Variants in EMB observed in about 807,000 individuals in gnomAD.
EMB encodes embigin, also known as embigin homolog.
EMB carries 31 observed loss-of-function variants against 41.4 expected under a neutral mutation model. The ratio of observed to expected loss-of-function variants is 0.75; its 90% CI spans 0.56 to 1.01. The LOEUF (loss-of-function observed/expected upper bound fraction) is 1.01. EMB is among the 50% of genes least tolerant of loss of function. The probability of loss-of-function intolerance (pLI) is 0.00; values close to 1 mark genes in which losing one functional copy is unlikely to be tolerated. For missense variants in EMB, 379 were observed against 388.3 expected (o/e 0.98, Z 0.20); for synonymous variants, 137 against 140.4 (o/e 0.98, Z 0.17).
intron 2 of EMB, among the ~76,000 whole-genome samples, chr5:50,412,510 T>C (rs1392688648): frequency 3.3e-5 from 5 of 151,994 alleles, no homozygotes; most frequent in Admixed American, 6.6e-5. Flanking sequence ...CAAAACTATA[T>C]CTTCCACCTG....
chr5:50,432,173 C>T (rs1412425148), intron 1 of EMB, among the ~76,000 whole-genome samples: 2 of 152,082 alleles, frequency 1.3e-5, no homozygotes, highest in Non-Finnish European at 2.9e-5. Context: ...GAAATAAATG[C>T]AACTACATCT....
At chr5:50,425,698 ATTTC>A (rs978695699) in intron 2 of EMB, among the ~76,000 whole-genome samples, 18 of 150,584 alleles carry the variant, frequency 1.2e-4, no homozygotes, top group Admixed American at 4.0e-4. Flanking sequence ...AGCAAGTGCA[ATTTC>A]TTTATTTCTG....
chr5:50,419,017 G>A (rs1176588348), intron 2 of EMB, among the ~76,000 whole-genome samples: 1 of 152,002 alleles, frequency 6.6e-6, no homozygotes, highest in African/African-American at 2.4e-5. Flanking sequence ...ATAATACTTG[G>A]TCCCCAGAAT....
intron 1 of EMB, among the ~76,000 whole-genome samples, chr5:50,433,411 C>T (rs1289690941): frequency 6.6e-6 from 1 of 152,116 alleles, no homozygotes; most frequent in East Asian, 1.9e-4. Flanking sequence ...TTTCAAATCA[C>T]CTCTACATGG....
At chr5:50,424,941 C>T (rs1579737320) in intron 2 of EMB, among the ~76,000 whole-genome samples, 1 of 152,044 alleles carries the variant, frequency 6.6e-6, no homozygotes, top group African/African-American at 2.4e-5. Context: ...ATGGGTAGAT[C>T]CCTCTTCCAT....
rs751665062 is a variant in EMB at position 50,398,415 on chromosome 5, T to G, written c.*858A>C. On this transcript the variant is annotated 3_prime_UTR_variant, in exon 9 of 9. Coordinates refer to ENST00000303221, the MANE Select transcript of EMB (RefSeq NM_198449.3). ...GCAGGTTTAGATATTTAACCAGCCA[T>G]AGATACCAGGAAGCCAGGTGTTAAA... is the stretch of plus-strand genomic sequence containing the variant. The G allele has an allele frequency of 6.6e-6, 1 of 151,946 alleles. No homozygotes were observed. The highest frequency in any genetic ancestry group is 2.4e-5 in the African/African-American group (1 of 41,366). 9.4% of individuals were successfully genotyped at this position (151,946 alleles called of 1,614,324 possible). A position where few individuals can be genotyped will look rare whatever the true frequency, so the allele number is the denominator to read the frequency against.
chr5:50,397,095 G>A lies in EMB; in HGVS notation c.*2178C>T, dbSNP rs1348395961. 4 of 152,100 alleles carry A rather than the reference G, an allele frequency of 2.6e-5. No individual in the cohort carries two copies. The highest frequency in any genetic ancestry group is 7.2e-5 in the African/African-American group (3 of 41,432). 9.4% of individuals were successfully genotyped at this position (152,100 alleles called of 1,614,324 possible). A position where few individuals can be genotyped will look rare whatever the true frequency, so the allele number is the denominator to read the frequency against. On this transcript the variant is annotated 3_prime_UTR_variant, in exon 9 of 9. Coordinates refer to ENST00000303221, the MANE Select transcript of EMB (RefSeq NM_198449.3). ...AATCCTTGTTAGCTGGAAAGACTAA[G>A]AGAATTCCCCAAGGTGCCTAATATA...
At chr5:50,407,027 G>A (rs1445777167) in intron 4 of EMB, among the ~76,000 whole-genome samples, 1 of 151,924 alleles carries the variant, frequency 6.6e-6, no homozygotes, top group Non-Finnish European at 1.5e-5. Flanking sequence ...AGCCCTGTTA[G>A]GCTCACCTTA....
chr5:50,427,873 G>GCAAATCAAAATTGATTCTC (rs1745646099), intron 2 of EMB, among the ~76,000 whole-genome samples: 1 of 152,104 alleles, frequency 6.6e-6, no homozygotes, highest in South Asian at 2.1e-4. Context: ...AAGAGTATCT[G>GCAAATCAAAATTGATTCTC]CAAATCAAAA....
In EMB at chr5:50,399,894, C is replaced by T. The variant is rs761848553; in HGVS notation, c.931G>A (p.Gly311Ser). Residue 311 changes from glycine to serine, a missense_variant, in exon 8 of 9, where the codon GGT becomes AGT. Gly to Ser is a moderately conservative substitution (Grantham distance 56). Coordinates refer to ENST00000303221, the MANE Select transcript of EMB (RefSeq NM_198449.3). ...IEQLKSDDSN[G>S]IENNVPRHRK... is the part of the protein sequence containing the mutation. ...TGCCTGGGGACATTATTTTCTATACCATTGCTATCATCTGATTTCCTGCAC... is the reference window on the plus strand; with the variant it reads ...TGCCTGGGGACATTATTTTCTATACTATTGCTATCATCTGATTTCCTGCAC... The T allele has an allele frequency of 6.2e-7, 1 of 1,602,680 alleles. No homozygotes were observed.
intron 2 of EMB, among the ~76,000 whole-genome samples, chr5:50,416,493 G>C (rs1245390865): frequency 6.6e-6 from 1 of 152,138 alleles, no homozygotes; most frequent in Non-Finnish European, 1.5e-5. Context: ...AGAAATAAAA[G>C]TCTGCTTTGT....
At chr5:50,422,112 T>G (rs1185099200) in intron 2 of EMB, among the ~76,000 whole-genome samples, 13 of 152,146 alleles carry the variant, frequency 8.5e-5, no homozygotes, top group Non-Finnish European at 1.6e-4. Context: ...AAAGAACAGA[T>G]AAAAAGATAT....
At chr5:50,402,777 GTTTC>G (rs1258463696) in intron 6 of EMB, among the ~76,000 whole-genome samples, 6 of 140,230 alleles carry the variant, frequency 4.3e-5, no homozygotes, top group African/African-American at 1.3e-4. Context: ...AAGAAAAATT[GTTTC>G]TTTTAGACTT....
At chr5:50,426,898 GA>G (rs60515065) in intron 2 of EMB, among the ~76,000 whole-genome samples, 42,271 of 105,710 alleles carry the variant, frequency 0.4, 5,956 homozygotes, top group East Asian at 0.55. Context: ...CAGTAAAAAA[GA>G]AAAAAAAAAA....
At chr5:50,399,748 T>C in intron 8 of EMB, 111 bp downstream of exon 8, 1 of 807,378 alleles carries the variant, frequency 1.2e-6, no homozygotes, top group Admixed American at 2.5e-5. Flanking sequence ...TTTGAGCACA[T>C]CATAAATGAC....
intron 1 of EMB, 40 bp downstream of exon 1, chr5:50,441,000 C>A (rs1256102467): frequency 2.4e-6 from 3 of 1,276,144 alleles, no homozygotes; most frequent in African/African-American, 1.6e-5. Flanking sequence ...GCCTCGCGCG[C>A]CCTCCGCCCT....
intron 4 of EMB, among the ~76,000 whole-genome samples, chr5:50,410,041 C>A (rs1561132816): frequency 1.3e-5 from 2 of 152,010 alleles, no homozygotes; most frequent in Non-Finnish European, 2.9e-5. Context: ...TTGATGGAGC[C>A]TTGAGAATAG....
intron 1 of EMB, among the ~76,000 whole-genome samples, chr5:50,439,888 T>C (rs906613384): frequency 2.6e-5 from 4 of 152,182 alleles, no homozygotes; most frequent in African/African-American, 9.7e-5. Context: ...ATTTACCAGC[T>C]TGAGAGGTGG....
Position 50,397,160 on chromosome 5 carries a change from C to T in EMB, c.*2113G>A, listed in dbSNP as rs898172592. ...TTTTCCTACTTCAACTTTTATGCGGCTTATTATTTGCAGTCAATTTATATT... is the reference window on the plus strand; with the variant it reads ...TTTTCCTACTTCAACTTTTATGCGGTTTATTATTTGCAGTCAATTTATATT... On this transcript the variant is annotated 3_prime_UTR_variant, in exon 9 of 9. Transcript: ENST00000303221. 4.6e-5 allele frequency: 7 copies of T among 151,994 alleles called. No homozygotes were observed. The highest frequency in any genetic ancestry group is 1.4e-4 in the African/African-American group (6 of 41,414). 9.4% of individuals were successfully genotyped at this position (151,994 alleles called of 1,614,324 possible).
Sources: allele counts gnomAD v4.1 joint callset (sites outside exome capture counted in the v4.1 genomes callset), GRCh38; gene constraint gnomAD v4.1.1; transcripts MANE v1.5; gene names NCBI Gene and HGNC (gene_info 2026-07-23, HGNC 2026-07-21).